Variants in MAL2 observed in about 807,000 individuals in gnomAD.
The protein encoded by MAL2 is protein MAL2.
Under a neutral mutation model 18.1 loss-of-function variants are expected in MAL2, and 17 were observed. The observed-to-expected ratio is 0.94, with a 90% CI of 0.64 to 1.41. MAL2 has a LOEUF of 1.41. Ranked by LOEUF, MAL2 falls within the 40% of genes most tolerant of loss-of-function variation. The pLI is 0.00. For missense variants in MAL2, 222 were observed against 231.9 expected (o/e 0.96, Z 0.28); for synonymous variants, 102 against 102.3 (o/e 1.00, Z 0.02).
intron 3 of MAL2, among the ~76,000 whole-genome samples, chr8:119,242,998 T>C (rs1179048736): frequency 6.6e-6 from 1 of 152,214 alleles, no homozygotes; most frequent in South Asian, 2.1e-4. Context: ...CCTTCCATCA[T>C]CATAGAAATT....
chr8:119,222,256 C>T (rs768396819), intron 2 of MAL2, among the ~76,000 whole-genome samples: 18 of 151,862 alleles, frequency 1.2e-4, no homozygotes, highest in Non-Finnish European at 2.2e-4. Flanking sequence ...TGTGGCCGGG[C>T]GTGGTAGCTC....
At chr8:119,225,594 C>T (rs1173644896) in intron 2 of MAL2, among the ~76,000 whole-genome samples, 3 of 152,156 alleles carry the variant, frequency 2.0e-5, no homozygotes, top group African/African-American at 7.2e-5. Flanking sequence ...GTGCATGTGT[C>T]TTTATAGCAG....
At chr8:119,225,555 T>C (rs1817573417) in intron 2 of MAL2, among the ~76,000 whole-genome samples, 1 of 152,220 alleles carries the variant, frequency 6.6e-6, no homozygotes, top group South Asian at 2.1e-4. Flanking sequence ...GTCTTTGCTA[T>C]TGTGAATAGT....
At position 119,221,477 on chromosome 8, in the gene MAL2, G is replaced by A. The variant is rs1587124889; in HGVS notation, c.133-110G>A. The A allele has an allele frequency of 3.0e-6, 4 of 1,317,184 alleles. No individual in the cohort carries two copies. The East Asian group carries it at 7.0e-5, about 23-fold the overall frequency. 81.6% of individuals were successfully genotyped at this position (1,317,184 alleles called of 1,614,324 possible). ...GATGGGGTTGCTGGAATATGTGCAG[G>A]GGTCTGGGAGGAAAATGAAGGCAAT... On this transcript the variant is annotated intron_variant, in intron 1 of 3. Coordinates refer to ENST00000614891, the MANE Select transcript of MAL2 (RefSeq NM_052886.3).
intron 2 of MAL2, among the ~76,000 whole-genome samples, chr8:119,226,370 T>A (rs975128619): frequency 9.2e-5 from 14 of 152,044 alleles, no homozygotes; most frequent in Non-Finnish European, 1.5e-4. Context: ...TAGCCAGTTT[T>A]CCCAGAACCA....
intron 1 of MAL2, among the ~76,000 whole-genome samples, chr8:119,219,196 T>C (rs1396880193): frequency 6.6e-6 from 1 of 150,536 alleles, no homozygotes; most frequent in Non-Finnish European, 1.5e-5. Flanking sequence ...TTATTTGACT[T>C]TAGGAGTTGA....
At chr8:119,234,718 G>C (rs1454055609) in intron 2 of MAL2, among the ~76,000 whole-genome samples, 1 of 151,756 alleles carries the variant, frequency 6.6e-6, no homozygotes, top group African/African-American at 2.4e-5. Context: ...TCACACGGCA[G>C]GGTATTCCAA....
At chr8:119,229,561 A>G (rs1198573095) in intron 2 of MAL2, among the ~76,000 whole-genome samples, 1 of 152,036 alleles carries the variant, frequency 6.6e-6, no homozygotes, top group Non-Finnish European at 1.5e-5. Context: ...GATCCACCAC[A>G]TCGGCCTCCC....
chr8:119,208,455 A>T lies in MAL2; in HGVS notation c.-18A>T. On this transcript the variant is annotated 5_prime_UTR_variant, in exon 1 of 4. Transcript: ENST00000614891. The surrounding 1 kb of genome is among the most constrained non-coding windows in gnomAD (Gnocchi z 4.3). ...AGGCGGCGGCGGCGCGCGGAGACGC[A>T]GCAGCGGCAGCGGCAGCATGTCGGC... 3 of 1,218,928 alleles carry T rather than the reference A, an allele frequency of 2.5e-6. No homozygotes were observed. The highest frequency in any genetic ancestry group is 3.1e-6 in the Non-Finnish European group (3 of 977,682). The allele number at this position is 1,218,928 out of a possible 1,614,324, so 75.5% of individuals were successfully genotyped here. A position where few individuals can be genotyped will look rare whatever the true frequency, so the allele number is the denominator to read the frequency against.
At chr8:119,219,891 A>G (rs754361460) in intron 1 of MAL2, among the ~76,000 whole-genome samples, 25 of 152,170 alleles carry the variant, frequency 1.6e-4, no homozygotes, top group Non-Finnish European at 2.6e-4. Context: ...GTTGTAAATG[A>G]TGTGCTCAAG....
chr8:119,239,051 A>G (rs1817983862), intron 2 of MAL2, among the ~76,000 whole-genome samples: 1 of 152,104 alleles, frequency 6.6e-6, no homozygotes, highest in Non-Finnish European at 1.5e-5. Flanking sequence ...AATATCCAGA[A>G]TCTACAATGA....
At chr8:119,218,259 C>T (rs1234512283) in intron 1 of MAL2, among the ~76,000 whole-genome samples, 1 of 152,096 alleles carries the variant, frequency 6.6e-6, no homozygotes, top group Non-Finnish European at 1.5e-5. Flanking sequence ...TTCCATGCAG[C>T]ACATACCCCA....
intron 2 of MAL2, among the ~76,000 whole-genome samples, chr8:119,222,392 T>C (rs1221476357): frequency 6.6e-6 from 1 of 151,452 alleles, no homozygotes; most frequent in Non-Finnish European, 1.5e-5. Context: ...ACCCCGGGCA[T>C]GATGGGGTGT....
In MAL2 at chr8:119,237,055, TAAAGAAAAAAA is replaced by T. The variant is rs1817918691; in HGVS notation, c.304-3109_304-3099del. On this transcript the variant is annotated intron_variant, in intron 2 of 3. Transcript: ENST00000614891. Reference sequence around the variant, plus strand: ...ATTGATAGACCGCTAGCAAGACTAATAAAGAAAAAAAGAAGAATCAAATAGACACAATAAAA... The same window carrying T: ...ATTGATAGACCGCTAGCAAGACTAATGAAGAATCAAATAGACACAATAAAA... Among the ~76,000 whole-genome samples the T allele has an allele frequency of 3.3e-5, 5 of 151,218 alleles. No homozygotes were observed. The South Asian group carries it at 1.1e-3, about 32-fold the overall frequency.
intron 2 of MAL2, among the ~76,000 whole-genome samples, chr8:119,237,644 C>T (rs1587142286): frequency 6.6e-6 from 1 of 151,770 alleles, no homozygotes; most frequent in African/African-American, 2.4e-5. Context: ...ACATGCAAAT[C>T]AATAAATGTA....
chr8:119,238,401 T>G (rs892419397), intron 2 of MAL2, among the ~76,000 whole-genome samples: 4 of 152,304 alleles, frequency 2.6e-5, no homozygotes, highest in African/African-American at 9.6e-5. Context: ...ACCAATGACT[T>G]TCTTCACAGA....
intron 1 of MAL2, among the ~76,000 whole-genome samples, chr8:119,210,137 C>T: frequency 6.6e-6 from 1 of 152,082 alleles, no homozygotes; most frequent in Non-Finnish European, 1.5e-5. Context: ...GTACTTTTGT[C>T]TTTTCTTAAG....
intron 2 of MAL2, among the ~76,000 whole-genome samples, chr8:119,233,696 C>T (rs1217441527): frequency 3.9e-5 from 6 of 151,964 alleles, no homozygotes; most frequent in Non-Finnish European, 8.8e-5. Context: ...AGCTTACCAA[C>T]CAAAAAGAGT....
At chr8:119,218,371 G>A (rs1817394791) in intron 1 of MAL2, among the ~76,000 whole-genome samples, 2 of 152,056 alleles carry the variant, frequency 1.3e-5, no homozygotes, top group Admixed American at 6.6e-5. Context: ...CGATAAGAAC[G>A]GTTAGTCTAT....
Sources: allele counts gnomAD v4.1 joint callset (sites outside exome capture counted in the v4.1 genomes callset), GRCh38; gene constraint gnomAD v4.1.1; non-coding constraint Gnocchi (gnomAD v3.1); transcripts MANE v1.5; gene names NCBI Gene and HGNC (gene_info 2026-07-23, HGNC 2026-07-21).